The following LRIG1 variants were observed in gnomAD, a reference collection of about 807,000 sequenced individuals.
LRIG1 encodes the protein leucine rich repeats and immunoglobulin like domains 1, also known as leucine-rich repeats and immunoglobulin-like domains protein 1.
A neutral mutation model predicts 99.2 loss-of-function variants in LRIG1; 48 were observed. The ratio of observed to expected loss-of-function variants is 0.48; its 90% confidence interval spans 0.38 to 0.62. The LOEUF (loss-of-function observed/expected upper bound fraction) is 0.62, where lower values mean the gene tolerates loss of function less well. Among genes scored for constraint, LRIG1 ranks in the 20% least tolerant of loss-of-function variants. LRIG1 has a pLI of 0.00. For missense variants in LRIG1, 1,646 were observed against 1,434.4 expected, an observed-to-expected ratio of 1.15 and a Z score of -2.38; for synonymous variants, 772 against 596.1, an observed-to-expected ratio of 1.29 and a Z score of -4.30.
chr3:66,424,528 T>C (rs531218685), intron 3 of LRIG1, among the ~76,000 whole-genome samples: 4 of 152,136 alleles, frequency 2.6e-5, no homozygotes, highest in Non-Finnish European at 5.9e-5. Flanking sequence ...ACCCAAGTGG[T>C]CATCATTTTC....
At chr3:66,464,072 A>G (rs973082953) in intron 1 of LRIG1, among the ~76,000 whole-genome samples, 9 of 152,324 alleles carry the variant, frequency 5.9e-5, no homozygotes, top group South Asian at 2.1e-4. Context: ...TAGACTTGAG[A>G]AAGAAAATCT....
chr3:66,401,238 C>A (rs1702040413), intron 9 of LRIG1, among the ~76,000 whole-genome samples: 1 of 152,198 alleles, frequency 6.6e-6, no homozygotes, highest in Admixed American at 6.5e-5. Context: ...CACAGAAAAG[C>A]TGATGGCCAT....
At chr3:66,434,905 A>C (rs1279190441) in intron 3 of LRIG1, among the ~76,000 whole-genome samples, 1 of 152,190 alleles carries the variant, frequency 6.6e-6, no homozygotes, top group African/African-American at 2.4e-5. Context: ...TGCAACTCCC[A>C]TATGACCTGT....
chr3:66,497,107 T>C lies in LRIG1; in HGVS notation c.218+3083A>G, dbSNP rs1701245189. ...TAACCACACTTGGTATACACTTTTGTGAATATCCTTGCTTTAGAATGCTCT... is the reference window on the plus strand; with the variant it reads ...TAACCACACTTGGTATACACTTTTGCGAATATCCTTGCTTTAGAATGCTCT... On this transcript the variant is annotated intron_variant, in intron 1 of 18. Coordinates refer to ENST00000273261, the MANE Select transcript of LRIG1 (RefSeq NM_015541.3). Among the ~76,000 whole-genome samples the C allele has an allele frequency of 4.6e-5, 7 of 152,364 alleles. No individual in the cohort carries two copies. In the South Asian group the frequency reaches 1.4e-3, roughly 32 times the overall value.
chr3:66,434,558 C>G (rs1703282014), intron 3 of LRIG1, among the ~76,000 whole-genome samples: 1 of 151,934 alleles, frequency 6.6e-6, no homozygotes, highest in African/African-American at 2.4e-5. Flanking sequence ...ACCAGCCTGA[C>G]CAACATGGCG....
At chr3:66,411,735 GGAA>G (rs1390711904) in intron 6 of LRIG1, among the ~76,000 whole-genome samples, 2 of 152,142 alleles carry the variant, frequency 1.3e-5, no homozygotes, top group Non-Finnish European at 2.9e-5. Flanking sequence ...TGCCCAGACT[GGAA>G]GAAGAAGGGG....
At position 66,405,255 on chromosome 3, in the gene LRIG1, G is replaced by A. The variant is rs1032096683; in HGVS notation, c.1103C>T (p.Ser368Leu). The change falls in exon 9 of 19, where the codon TCG becomes TTG. Residue 368 changes from serine (S) to leucine (L), a missense_variant. Ser to Leu is a moderately radical substitution (Grantham distance 145). Coordinates refer to ENST00000273261, the MANE Select transcript of LRIG1 (RefSeq NM_015541.3). ...GCCGCTCGTGTCCTCTATTGTGCCC[G>A]AAATCTCGTTATGGTCCAGATCCCT... ...RVLDLDHNEI[S>L]GTIEDTSGAF... 6.8e-6 allele frequency: 11 copies of A among 1,614,130 alleles called. No homozygotes were observed. Among genetic ancestry groups the A allele is most frequent in the South Asian group, 2.2e-5 (2 of 91,084 alleles).
chr3:66,486,292 T>C lies in LRIG1; in HGVS notation c.218+13898A>G, dbSNP rs144925778. ...GAAGTCGGCACTACAATTATCCCCA[T>C]TTTACAGAAAAGGAAACTGAAGTGG... On this transcript the variant is annotated intron_variant, in intron 1 of 18. Transcript: ENST00000273261. 6.6e-5 allele frequency among the ~76,000 whole-genome samples: 10 copies of C among 152,258 alleles called. No individual in the cohort carries two copies. In the East Asian group the frequency reaches 1.9e-3, roughly 29 times the overall value.
At chr3:66,412,232 AG>A (rs1390264394) in intron 6 of LRIG1, among the ~76,000 whole-genome samples, 2 of 152,292 alleles carry the variant, frequency 1.3e-5, no homozygotes, top group East Asian at 3.9e-4. Context: ...TCCTAAGATG[AG>A]CTCTACATTT....
chr3:66,415,146 T>C, intron 4 of LRIG1, 83 bp from the exon 5 acceptor site: 1 of 1,415,436 alleles, frequency 7.1e-7, no homozygotes. Flanking sequence ...TCTCTGGGTC[T>C]GAGTTGGGAA....
intron 4 of LRIG1, among the ~76,000 whole-genome samples, chr3:66,416,352 T>C (rs917470795): frequency 1.3e-5 from 2 of 152,188 alleles, no homozygotes; most frequent in African/African-American, 2.4e-5. Flanking sequence ...CCTGAAAAGA[T>C]GGGTCACAAT....
At chr3:66,465,002 A>G (rs1296076152) in intron 1 of LRIG1, among the ~76,000 whole-genome samples, 1 of 152,212 alleles carries the variant, frequency 6.6e-6, no homozygotes, top group Non-Finnish European at 1.5e-5. Flanking sequence ...TTAGAAGTGG[A>G]AACGTTAAGT....
intron 2 of LRIG1, among the ~76,000 whole-genome samples, chr3:66,451,998 A>C (rs895404013): frequency 3.9e-5 from 6 of 152,202 alleles, no homozygotes; most frequent in Non-Finnish European, 8.8e-5. Flanking sequence ...CCGTGGGCCG[A>C]AATTTGCCCC....
At chr3:66,394,252 G>A (rs763097961) in intron 11 of LRIG1, 49 bp from the exon 12 acceptor site, 9 of 1,487,942 alleles carry the variant, frequency 6.0e-6, no homozygotes, top group African/African-American at 1.4e-5. Flanking sequence ...GCAAAGGAGG[G>A]ACACTCCCTT....
rs1335348613 is a variant in LRIG1, at chr3:66,384,083, G to C, written c.1979C>G (p.Thr660Ser). Residue 660 changes from threonine (T) to serine (S), a missense_variant, in exon 14 of 19, where the codon ACT becomes AGT. Thr to Ser is a moderately conservative substitution (Grantham distance 58). Coordinates refer to ENST00000273261, the MANE Select transcript of LRIG1 (RefSeq NM_015541.3). ...VMPDDDVFFI[T>S]DVKIDDAGVY... is the part of the protein sequence containing the mutation. ...CCCTGCGTCATCTATTTTCACATCA[G>C]TGATGAAAAACACGTCGTCATCCGG... 3 of 1,614,164 alleles carry C rather than the reference G, an allele frequency of 1.9e-6. No individual in the cohort carries two copies. The highest frequency in any genetic ancestry group is 2.7e-5 in the African/African-American group (2 of 75,030).
chr3:66,386,506 T>G (rs1434454374), intron 12 of LRIG1: 2 of 571,540 alleles, frequency 3.5e-6, no homozygotes, highest in Non-Finnish European at 6.3e-6. Flanking sequence ...CTGTGAGTAC[T>G]GATCACCTTT....
chr3:66,483,772 G>T (rs1700904280), intron 1 of LRIG1, among the ~76,000 whole-genome samples: 1 of 152,214 alleles, frequency 6.6e-6, no homozygotes, highest in Admixed American at 6.5e-5. Flanking sequence ...GAGCAGATGA[G>T]AGACCATGTC....
Position 66,381,558 on chromosome 3 carries a change from G to A in LRIG1, c.2691C>T (p.Leu897=), listed in dbSNP as rs1292442995. Reference sequence around the variant, plus strand: ...CTTTGTGATACGCAGACCCAGCACAGAGCTTTGGCTGCCTGCAGGCAACGC... The same window carrying A: ...CTTTGTGATACGCAGACCCAGCACAAAGCTTTGGCTGCCTGCAGGCAACGC... ...THSVACRQPK[L]CAGSAYHKEP... is the part of the protein sequence containing the mutation. Residue 897 remains leucine, a synonymous_variant, in exon 17 of 19, where the codon CTC becomes CTT. Coordinates refer to ENST00000273261, the MANE Select transcript of LRIG1 (RefSeq NM_015541.3). 4.3e-6 allele frequency: 7 copies of A among 1,614,010 alleles called. No homozygotes were observed. Among genetic ancestry groups the A allele is most frequent in the African/African-American group, 1.3e-5 (1 of 74,900 alleles).
chr3:66,388,421 A>G (rs1701485575), intron 12 of LRIG1, among the ~76,000 whole-genome samples: 1 of 152,180 alleles, frequency 6.6e-6, no homozygotes, highest in South Asian at 2.1e-4. Flanking sequence ...TCCAAGAAGG[A>G]GAAGAAAGAA....
Sources: gnomAD v4.1 joint callset for allele counts (sites outside exome capture counted in the v4.1 genomes callset) on GRCh38, gnomAD v4.1.1 for gene constraint, MANE v1.5 for transcripts, NCBI Gene and HGNC (gene_info 2026-07-23, HGNC 2026-07-21) for gene names.